The following SERINC5 variants were observed in gnomAD, a reference collection of about 807,000 sequenced individuals.
SERINC5 encodes the protein serine incorporator 5, also known as chromosome 5 open reading frame 12.
Under a neutral mutation model 63.1 loss-of-function variants are expected in SERINC5, and 41 were observed. The observed-to-expected ratio is 0.65, with a 90% CI of 0.51 to 0.84. The LOEUF (loss-of-function observed/expected upper bound fraction) is 0.84, where lower values mean the gene tolerates loss of function less well. SERINC5 is among the 40% of genes least tolerant of loss of function. The probability of loss-of-function intolerance (pLI) is 0.00; values close to 1 mark genes in which losing one functional copy is unlikely to be tolerated. For synonymous variants in SERINC5, 222 were observed against 215.2 expected, an observed-to-expected ratio of 1.03 and a Z score of -0.28; for missense variants, 523 against 573.0, an observed-to-expected ratio of 0.91 and a Z score of 0.89.
chr5:80,185,256 T>C (rs1748723933), intron 2 of SERINC5, among the ~76,000 whole-genome samples: 1 of 152,090 alleles, frequency 6.6e-6, no homozygotes, highest in Admixed American at 6.6e-5. Context: ...AGCCACAAAC[T>C]ATCAAGTAAG....
intron 1 of SERINC5, among the ~76,000 whole-genome samples, chr5:80,206,829 T>C (rs1435950822): frequency 6.6e-6 from 1 of 150,478 alleles, no homozygotes; most frequent in Non-Finnish European, 1.5e-5. Context: ...TTTTTTTTTT[T>C]TAAGAGACAG....
chr5:80,114,824 A>G (rs1282001331), intron 11 of SERINC5, among the ~76,000 whole-genome samples: 2 of 152,048 alleles, frequency 1.3e-5, no homozygotes, highest in Non-Finnish European at 2.9e-5. Context: ...GCCAAACCAT[A>G]TCACCACCCA....
intron 2 of SERINC5, among the ~76,000 whole-genome samples, chr5:80,195,809 T>C (rs1404113303): frequency 6.6e-6 from 1 of 152,196 alleles, no homozygotes; most frequent in African/African-American, 2.4e-5. Context: ...CAAGTTGTTT[T>C]TAAGTAAAGT....
chr5:80,166,449 C>T lies in SERINC5; in HGVS notation c.793G>A (p.Gly265Arg). Residue 265 changes from glycine to arginine, a missense_variant, in exon 7 of 12, where the codon GGG (glycine) becomes AGG (arginine). Gly to Arg is a moderately radical substitution (Grantham distance 125, BLOSUM62 -2). Coordinates refer to ENST00000507668, the MANE Select transcript of SERINC5 (RefSeq NM_001174072.3). The part of the protein sequence containing the change: ...RQPHSGLLQS[G>R]VISCYVTYLT... ...TAGGTGACATAGCAGCTTATGACCC[C>T]TGATTGTAAGAGCCCCGAGTGTGGC... 6.3e-7 allele frequency: 1 copy of T among 1,595,244 alleles called. No individual in the cohort carries two copies. The highest frequency in any genetic ancestry group is 8.5e-7 in the Non-Finnish European group (1 of 1,170,776).
At chr5:80,164,908 C>CTGTTTTGTTT (rs1449654096) in intron 7 of SERINC5, among the ~76,000 whole-genome samples, 1 of 89,994 alleles carries the variant, frequency 1.1e-5, no homozygotes, top group African/African-American at 5.2e-5. Context: ...AACTTTTTTT[C>CTGTTTTGTTT]TGTTTTTTTT....
chr5:80,247,017 G>A (rs1039238098), intron 1 of SERINC5, among the ~76,000 whole-genome samples: 21 of 152,086 alleles, frequency 1.4e-4, no homozygotes, highest in African/African-American at 3.6e-4. Flanking sequence ...CCAACAATGC[G>A]GCTTGACTCA....
intron 1 of SERINC5, among the ~76,000 whole-genome samples, chr5:80,219,182 C>T (rs1750794873): frequency 6.6e-6 from 1 of 152,140 alleles, no homozygotes; most frequent in South Asian, 2.1e-4. Context: ...GGCATGGGCC[C>T]ACACTAACCT....
chr5:80,181,224 C>T (rs936723671), intron 2 of SERINC5, among the ~76,000 whole-genome samples: 1 of 152,088 alleles, frequency 6.6e-6, no homozygotes, highest in Non-Finnish European at 1.5e-5. Flanking sequence ...TTTTCCTTTA[C>T]ACAAACAAAC....
At chr5:80,148,183 TTTA>T (rs1029186037) in intron 9 of SERINC5, among the ~76,000 whole-genome samples, 13 of 124,902 alleles carry the variant, frequency 1.0e-4, no homozygotes, top group African/African-American at 3.2e-4. Flanking sequence ...TTGCGTATTT[TTTA>T]TTCTTTTTTT....
At chr5:80,144,039 C>A (rs774563739) in intron 11 of SERINC5, among the ~76,000 whole-genome samples, 35 of 152,120 alleles carry the variant, frequency 2.3e-4, no homozygotes, top group Non-Finnish European at 4.1e-4. Context: ...GCCCACCCCC[C>A]GCATTCACCA....
rs554246656 is a variant in SERINC5 at position 80,213,088 on chromosome 5, T to C, written c.28-10035A>G. Among the ~76,000 whole-genome samples the C allele has an allele frequency of 1.5e-4, 23 of 151,906 alleles. 1 individual carries two copies. The South Asian group carries it at 4.8e-3, about 32-fold the overall frequency. On this transcript the variant is annotated intron_variant, in intron 1 of 11. Transcript: ENST00000507668. ...GGTGAAACCCTGTCTCTACTAAAAA[T>C]ACAAAAAATTAGCTGGATGTGGTGG...
At chr5:80,198,342 G>A (rs1324638391) in intron 2 of SERINC5, among the ~76,000 whole-genome samples, 1 of 152,162 alleles carries the variant, frequency 6.6e-6, no homozygotes, top group Non-Finnish European at 1.5e-5. Context: ...CTGGGAAAGA[G>A]GAGTTTCCCT....
At chr5:80,207,757 G>A (rs966381682) in intron 1 of SERINC5, among the ~76,000 whole-genome samples, 2 of 152,114 alleles carry the variant, frequency 1.3e-5, no homozygotes, top group African/African-American at 4.8e-5. Context: ...TTTCTTACTA[G>A]CCCAAAAGTG....
chr5:80,206,320 G>C (rs1750161671), intron 1 of SERINC5, among the ~76,000 whole-genome samples: 1 of 152,078 alleles, frequency 6.6e-6, no homozygotes, highest in South Asian at 2.1e-4. Flanking sequence ...CAGGTATATG[G>C]GTAAGACAAC....
At chr5:80,116,607 C>A (rs1744329682) in intron 11 of SERINC5, among the ~76,000 whole-genome samples, 1 of 152,064 alleles carries the variant, frequency 6.6e-6, no homozygotes, top group South Asian at 2.1e-4. Flanking sequence ...TAGTGGCATA[C>A]CTACCAAGAG....
chr5:80,148,536 A>G (rs901571528), intron 9 of SERINC5, among the ~76,000 whole-genome samples: 1 of 151,974 alleles, frequency 6.6e-6, no homozygotes, highest in Non-Finnish European at 1.5e-5. Flanking sequence ...TTAAAAAATC[A>G]GGTTATGTAT....
At chr5:80,126,949 CAT>C (rs1221046791) in intron 11 of SERINC5, among the ~76,000 whole-genome samples, 2 of 151,930 alleles carry the variant, frequency 1.3e-5, no homozygotes, top group Non-Finnish European at 2.9e-5. Flanking sequence ...AATATATACT[CAT>C]CATCAAAAAC....
chr5:80,158,724 T>C (rs1580081721), intron 8 of SERINC5, 112 bp downstream of exon 8: 2 of 1,014,938 alleles, frequency 2.0e-6, no homozygotes, highest in East Asian at 4.9e-5. Flanking sequence ...TTGTGGTTAT[T>C]TTCCCCCCTC....
At chr5:80,241,387 T>C (rs1402883890) in intron 1 of SERINC5, among the ~76,000 whole-genome samples, 2 of 152,156 alleles carry the variant, frequency 1.3e-5, no homozygotes, top group East Asian at 3.8e-4. Flanking sequence ...GAGAATTGCC[T>C]GAACCCAGGA....
Sources: allele counts gnomAD v4.1 joint callset (sites outside exome capture counted in the v4.1 genomes callset), GRCh38; gene constraint gnomAD v4.1.1; transcripts MANE v1.5; gene names NCBI Gene and HGNC (gene_info 2026-07-23, HGNC 2026-07-21).